The following MRPL57 variants were observed in gnomAD, a reference collection of about 807,000 sequenced individuals.
MRPL57 encodes mitochondrial ribosomal protein L57.
MRPL57 carries 1 observed loss-of-function variant against 1.3 expected under a neutral mutation model. The observed-to-expected ratio is 0.79, with a 90% confidence interval of 0.28 to 3.75. The LOEUF is 3.75. Ranked by LOEUF, MRPL57 falls within the 30% of genes most tolerant of loss-of-function variation. The pLI is 0.19. For missense variants in MRPL57, 170 were observed against 148.9 expected, an observed-to-expected ratio of 1.14 and a Z score of -0.74; for synonymous variants, 79 against 61.7, an observed-to-expected ratio of 1.28 and a Z score of -1.31.
In MRPL57 at chr13:21,177,132, G is replaced by A. The variant is rs764746689; in HGVS notation, c.216G>A (p.Glu72=). ...CGGTGCGCAGGAGGGAGGCCTTCGAGGCCATAAAGGCGGCCGCCACTTCCA... is the reference window on the plus strand; with the variant it reads ...CGGTGCGCAGGAGGGAGGCCTTCGAAGCCATAAAGGCGGCCGCCACTTCCA... ...HAAVRRREAF[E]AIKAAATSKF... is the part of the protein sequence containing the mutation. The change falls in exon 2 of 2, where the codon GAG becomes GAA. Residue 72 remains glutamate (E), a synonymous_variant. Transcript: ENST00000309594. 5.0e-6 allele frequency: 8 copies of A among 1,613,882 alleles called. No individual in the cohort carries two copies. The highest frequency in any genetic ancestry group is 1.3e-5 in the African/African-American group (1 of 74,942).
At chr13:21,176,881 C>T (rs1050806570) in intron 1 of MRPL57, 31 bp from the exon 2 acceptor site, 10 of 1,589,792 alleles carry the variant, frequency 6.3e-6, no homozygotes, top group Middle Eastern at 1.7e-4. Context: ...CGCCAGTTCG[C>T]CTCCGCAAAG....
chr13:21,177,385 C>G lies in MRPL57; in HGVS notation c.*160C>G. 1 of 607,438 alleles carries G rather than the reference C, an allele frequency of 1.6e-6. No homozygotes were observed. The highest frequency in any genetic ancestry group is 2.6e-6 in the Non-Finnish European group (1 of 378,846). 37.6% of individuals were successfully genotyped at this position (607,438 alleles called of 1,614,324 possible). On this transcript the variant is annotated 3_prime_UTR_variant, in exon 2 of 2. Transcript: ENST00000309594. ...GTCTGCATATCGAATATCTAGAGCT[C>G]TAAACCCCCAATACTTAAAAGTCTA...
At chr13:21,176,807 G>A (rs1324552957) in intron 1 of MRPL57, 90 bp downstream of exon 1, 9 of 1,200,930 alleles carry the variant, frequency 7.5e-6, no homozygotes, top group Non-Finnish European at 1.0e-5. Context: ...GAGGGGAGGC[G>A]GTGCGGGAAC....
intron 1 of MRPL57, 90 bp from the exon 2 acceptor site, chr13:21,176,822 G>T: frequency 1.5e-6 from 2 of 1,371,324 alleles, no homozygotes; most frequent in Non-Finnish European, 2.0e-6. Context: ...GGGAACTCCC[G>T]TAGGCGTGAG....
Position 21,177,281 on chromosome 13 carries a change from G to C in MRPL57, c.*56G>C. ...TCACGGAGCTGACCATCTTTACCTG[G>C]TCCTGGAACTGAAAAACTGTAGCTT... is the stretch of plus-strand genomic sequence containing the variant. On this transcript the variant is annotated 3_prime_UTR_variant, in exon 2 of 2. Coordinates refer to ENST00000309594, the MANE Select transcript of MRPL57 (RefSeq NM_024026.5). 6.4e-7 allele frequency: 1 copy of C among 1,561,834 alleles called. No individual in the cohort carries two copies. Among genetic ancestry groups the C allele is most frequent in the East Asian group, 2.2e-5 (1 of 44,518 alleles).
Position 21,176,997 on chromosome 13 carries a change from G to A in MRPL57, c.81G>A (p.Val27=). ...GGAAGCACCGGCGGCCGCGGTTCGT[G>A]TCGTTGCGCGCCAAGCAGAACATGA... ...WIGKHRRPRF[V]SLRAKQNMIR... Residue 27 remains valine (V), a synonymous_variant, in exon 2 of 2, where the codon GTG becomes GTA. Transcript: ENST00000309594. 1 of 1,612,518 alleles carries A rather than the reference G, an allele frequency of 6.2e-7. No homozygotes were observed. Among genetic ancestry groups the A allele is most frequent in the Non-Finnish European group, 8.5e-7 (1 of 1,179,942 alleles).
chr13:21,177,230 G>A lies in MRPL57; in HGVS notation c.*5G>A, dbSNP rs1170173524. The A allele has an allele frequency of 6.2e-7, 1 of 1,613,092 alleles. No homozygotes were observed. Among genetic ancestry groups the A allele is most frequent in the Non-Finnish European group, 8.5e-7 (1 of 1,179,964 alleles). On this transcript the variant is annotated 3_prime_UTR_variant, in exon 2 of 2. Transcript: ENST00000309594. ...GTCACCAAGAAATGGTCCTAATCCT[G>A]AGTCGTCACCCTTGGATTTTATGGA...
In MRPL57 at chr13:21,178,088, C is replaced by T. The variant is rs1398922069; in HGVS notation, c.*863C>T. 1 of 167,022 alleles carries T rather than the reference C, an allele frequency of 6.0e-6. No homozygotes were observed. The highest frequency in any genetic ancestry group is 2.4e-5 in the African/African-American group (1 of 41,420). The allele number at this position is 167,022 out of a possible 1,614,324, so 10.3% of individuals were successfully genotyped here. On this transcript the variant is annotated 3_prime_UTR_variant, in exon 2 of 2. Coordinates refer to ENST00000309594, the MANE Select transcript of MRPL57 (RefSeq NM_024026.5). The stretch of plus-strand genomic sequence containing the variant: ...GTGCTTGCATGTAGTCCCAGCTATT[C>T]AGGAATATTGCTTGAGTCCAGCTTG...
In MRPL57 at chr13:21,177,429, C is replaced by G. The variant is rs965765240; in HGVS notation, c.*204C>G. 2 of 603,602 alleles carry G rather than the reference C, an allele frequency of 3.3e-6. No homozygotes were observed. Among genetic ancestry groups the G allele is most frequent in the African/African-American group, 1.9e-5 (1 of 53,114 alleles). The allele number at this position is 603,602 out of a possible 1,614,324, so 37.4% of individuals were successfully genotyped here. A position where few individuals can be genotyped will look rare whatever the true frequency, so the allele number is the denominator to read the frequency against. ...AAGTCTAATTGCTGTCCTGTGGTTTCATTAGTCTGATAGGAAGATAGGGAT... is the reference window on the plus strand; with the variant it reads ...AAGTCTAATTGCTGTCCTGTGGTTTGATTAGTCTGATAGGAAGATAGGGAT... On this transcript the variant is annotated 3_prime_UTR_variant, in exon 2 of 2. Transcript: ENST00000309594.
rs770209281 is a variant in MRPL57 at position 21,177,113 on chromosome 13, G to T, written c.197G>T (p.Arg66Leu). The part of the protein sequence containing the change: ...REQERGHAAV[R>L]RREAFEAIKA... ...CAGGAGCGCGGCCACGCCGCGGTGC[G>T]CAGGAGGGAGGCCTTCGAGGCCATA... Residue 66 changes from arginine (R) to leucine (L), a missense_variant, in exon 2 of 2, where the codon CGC becomes CTC. Coordinates refer to ENST00000309594, the MANE Select transcript of MRPL57 (RefSeq NM_024026.5). 22 of 1,613,804 alleles carry T rather than the reference G, an allele frequency of 1.4e-5. No homozygotes were observed. The highest frequency in any genetic ancestry group is 1.9e-5 in the Non-Finnish European group (22 of 1,180,040).
rs1305558646 is a variant in MRPL57 at position 21,178,975 on chromosome 13, T to C, written c.*1750T>C. 2 of 166,580 alleles carry C rather than the reference T, an allele frequency of 1.2e-5. No homozygotes were observed. The highest frequency in any genetic ancestry group is 2.4e-5 in the African/African-American group (1 of 41,230). The allele number at this position is 166,580 out of a possible 1,614,324, so 10.3% of individuals were successfully genotyped here. A position where few individuals can be genotyped will look rare whatever the true frequency, so the allele number is the denominator to read the frequency against. On this transcript the variant is annotated 3_prime_UTR_variant, in exon 2 of 2. Coordinates refer to ENST00000309594, the MANE Select transcript of MRPL57 (RefSeq NM_024026.5). ...GGGAGTGAGACACCATCTCAAAAAA[T>C]ACATATAATAATATAAATAAAAATA...
rs765824133 is a variant in MRPL57 at position 21,177,004 on chromosome 13, C to G, written c.88C>G (p.Arg30Gly). ...KHRRPRFVSL[R>G]AKQNMIRRLE... Reference sequence around the variant, plus strand: ...CCGGCGGCCGCGGTTCGTGTCGTTGCGCGCCAAGCAGAACATGATCCGCCG... The same window carrying G: ...CCGGCGGCCGCGGTTCGTGTCGTTGGGCGCCAAGCAGAACATGATCCGCCG... Residue 30 changes from arginine (R) to glycine (G), a missense_variant, in exon 2 of 2, where the codon CGC becomes GGC. Arg to Gly is a moderately radical substitution (Grantham distance 125). Coordinates refer to ENST00000309594, the MANE Select transcript of MRPL57 (RefSeq NM_024026.5). The G allele has an allele frequency of 3.3e-5, 54 of 1,612,678 alleles. No homozygotes were observed. Among genetic ancestry groups the G allele is most frequent in the Non-Finnish European group, 4.6e-5 (54 of 1,179,952 alleles).
rs973828839 is a variant in MRPL57, at chr13:21,176,707, C to T, written c.-16C>T. 7 of 672,736 alleles carry T rather than the reference C, an allele frequency of 1.0e-5. No homozygotes were observed. In the South Asian group the frequency reaches 1.4e-4, roughly 13 times the overall value. 41.7% of individuals were successfully genotyped at this position (672,736 alleles called of 1,614,324 possible). A position where few individuals can be genotyped will look rare whatever the true frequency, so the allele number is the denominator to read the frequency against. ...GGCCGCGGAGACGCAGAGTCTTGAG[C>T]AGCGCGGCAGGTGAGTAGCTGTGCG... On this transcript the variant is annotated 5_prime_UTR_variant, in exon 1 of 2. Coordinates refer to ENST00000309594, the MANE Select transcript of MRPL57 (RefSeq NM_024026.5).
chr13:21,176,729 T>G lies in MRPL57; in HGVS notation c.-6+12T>G. On this transcript the variant is annotated intron_variant, in intron 1 of 1. Coordinates refer to ENST00000309594, the MANE Select transcript of MRPL57 (RefSeq NM_024026.5). ...GAGCAGCGCGGCAGGTGAGTAGCTG[T>G]GCGAATTCGGTTCTCTAGGGAGCTC... 1.5e-6 allele frequency: 1 copy of G among 688,268 alleles called. No homozygotes were observed. Among genetic ancestry groups the G allele is most frequent in the Non-Finnish European group, 2.4e-6 (1 of 419,600 alleles). 42.6% of individuals were successfully genotyped at this position (688,268 alleles called of 1,614,324 possible). A position where few individuals can be genotyped will look rare whatever the true frequency, so the allele number is the denominator to read the frequency against.
intron 1 of MRPL57, 88 bp from the exon 2 acceptor site, chr13:21,176,824 A>T: frequency 7.3e-7 from 1 of 1,371,352 alleles, no homozygotes; most frequent in Non-Finnish European, 9.9e-7. Flanking sequence ...GAACTCCCGT[A>T]GGCGTGAGCT....
Position 21,177,219 on chromosome 13 carries a change from G to T in MRPL57, c.303G>T (p.Trp101Cys). Reference protein sequence around the residue: ...QLDHLNVTKKWS With the variant: ...QLDHLNVTKKCS ...ACCATCTCAATGTCACCAAGAAATG[G>T]TCCTAATCCTGAGTCGTCACCCTTG... Residue 101 changes from tryptophan (W) to cysteine (C), a missense_variant, in exon 2 of 2, where the codon TGG (tryptophan) becomes TGT (cysteine). Coordinates refer to ENST00000309594, the MANE Select transcript of MRPL57 (RefSeq NM_024026.5). The T allele has an allele frequency of 6.2e-7, 1 of 1,613,650 alleles. No homozygotes were observed.
Position 21,176,995 on chromosome 13 carries a change from G to C in MRPL57, c.79G>C (p.Val27Leu). ...WIGKHRRPRF[V>L]SLRAKQNMIR... ...CGGGAAGCACCGGCGGCCGCGGTTC[G>C]TGTCGTTGCGCGCCAAGCAGAACAT... is the stretch of plus-strand genomic sequence containing the variant. Residue 27 changes from valine to leucine, a missense_variant, in exon 2 of 2, where the codon GTG (valine) becomes CTG (leucine). Val to Leu is a conservative substitution (Grantham distance 32). Transcript: ENST00000309594. 6.2e-7 allele frequency: 1 copy of C among 1,612,398 alleles called. No individual in the cohort carries two copies.
Position 21,176,663 on chromosome 13 carries a change from C to T in MRPL57, c.-60C>T, listed in dbSNP as rs978750652. On this transcript the variant is annotated 5_prime_UTR_variant, in exon 1 of 2. It adds an upstream start codon to the 5' untranslated region. Transcript: ENST00000309594. ...AGACCCCGCGAGACGGGTGCGCTTA[C>T]GCCACGGCGTCTGCTGGCGGCCGCG... 3.5e-5 allele frequency: 24 copies of T among 678,564 alleles called. No homozygotes were observed. The highest frequency in any genetic ancestry group is 5.3e-5 in the Non-Finnish European group (22 of 417,054). The allele number at this position is 678,564 out of a possible 1,614,324, so 42.0% of individuals were successfully genotyped here.
At position 21,176,666 on chromosome 13, in the gene MRPL57, C is replaced by T. The variant is rs1053283890; in HGVS notation, c.-57C>T. The T allele has an allele frequency of 4.4e-6, 3 of 677,870 alleles. No individual in the cohort carries two copies. Among genetic ancestry groups the T allele is most frequent in the African/African-American group, 1.9e-5 (1 of 53,462 alleles). The allele number at this position is 677,870 out of a possible 1,614,324, so 42.0% of individuals were successfully genotyped here. A position where few individuals can be genotyped will look rare whatever the true frequency, so the allele number is the denominator to read the frequency against. On this transcript the variant is annotated 5_prime_UTR_variant, in exon 1 of 2. Transcript: ENST00000309594. ...CCCCGCGAGACGGGTGCGCTTACGC[C>T]ACGGCGTCTGCTGGCGGCCGCGGAG...
Sources: allele counts gnomAD v4.1 joint callset, GRCh38; gene constraint gnomAD v4.1.1; transcripts MANE v1.5; gene names NCBI Gene and HGNC (gene_info 2026-07-23, HGNC 2026-07-21).